The following SPECC1 variants were observed in gnomAD, a reference collection of about 807,000 sequenced individuals.
SPECC1 encodes sperm antigen with calponin homology and coiled-coil domains 1, also known as cytospin-B.
SPECC1 carries 62 observed loss-of-function variants against 104.1 expected under a neutral mutation model. That is an observed-to-expected ratio of 0.60 (90% CI 0.49 to 0.74). SPECC1 has a LOEUF of 0.74. Among genes scored for constraint, SPECC1 ranks in the 30% least tolerant of loss-of-function variants. The pLI is 0.00. For synonymous variants in SPECC1, 513 were observed against 501.6 expected, an observed-to-expected ratio of 1.02 and a Z score of -0.30; for missense variants, 1,306 against 1,310.5, an observed-to-expected ratio of 1.00 and a Z score of 0.05.
intron 4 of SPECC1, among the ~76,000 whole-genome samples, chr17:20,220,149 G>GGC (rs1229886840): frequency 1.3e-5 from 2 of 152,006 alleles, no homozygotes; most frequent in African/African-American, 4.8e-5. Flanking sequence ...GGATGGCTTT[G>GGC]GCTATTCTGG....
chr17:20,017,892 C>G (rs1442626686), intron 1 of SPECC1: 1 of 152,150 alleles, frequency 6.6e-6, no homozygotes, highest in African/African-American at 2.4e-5. Context: ...TCTGTTGATT[C>G]AGTGTCCCTG....
intron 3 of SPECC1, among the ~76,000 whole-genome samples, chr17:20,193,278 A>G (rs1275662594): frequency 2.0e-5 from 3 of 151,992 alleles, no homozygotes. Context: ...GGTCTTTATG[A>G]CCTGTATCTT....
intron 1 of SPECC1, among the ~76,000 whole-genome samples, chr17:20,018,418 T>C (rs1225849881): frequency 6.6e-6 from 1 of 152,218 alleles, no homozygotes; most frequent in Non-Finnish European, 1.5e-5. Context: ...GGGGACAGGG[T>C]CTTGCTCTGT....
intron 10 of SPECC1, among the ~76,000 whole-genome samples, chr17:20,256,120 A>G (rs920188951): frequency 6.7e-6 from 1 of 150,058 alleles, no homozygotes; most frequent in Non-Finnish European, 1.5e-5. Context: ...CTCGTAATCC[A>G]CCCACCTCGG....
intron 3 of SPECC1, among the ~76,000 whole-genome samples, chr17:20,126,074 C>T (rs534425524): frequency 2.3e-4 from 35 of 152,268 alleles, no homozygotes; most frequent in African/African-American, 5.5e-4. Context: ...TGCACCTCCC[C>T]GAAGAATACT....
At position 20,051,072 on chromosome 17, in the gene SPECC1, CTTTCTTTCTTTCTT is replaced by C. The variant is rs1567813251; in HGVS notation, c.-22+41650_-22+41663del. Among the ~76,000 whole-genome samples, 466 of 56,822 alleles carry C rather than the reference CTTTCTTTCTTTCTT, an allele frequency of 8.2e-3. 2 individuals carry two copies. Among genetic ancestry groups the C allele is most frequent in the African/African-American group, 0.024 (394 of 16,612 alleles). The allele number at this position is 56,822 out of a possible 152,430, so 37.3% of individuals were successfully genotyped here. A position where few individuals can be genotyped will look rare whatever the true frequency, so the allele number is the denominator to read the frequency against. The stretch of plus-strand genomic sequence containing the variant: ...GTTCTTTCTTTCTTTCTTTCTTTTT[CTTTCTTTCTTTCTT>C]TCTTTCTTTCTTTCTTTCTTTCTTT... On this transcript the variant is annotated intron_variant, in intron 1 of 14. Coordinates refer to ENST00000395527, the MANE Select transcript of SPECC1 (RefSeq NM_001243439.2).
chr17:20,116,094 A>T (rs2152530118), intron 3 of SPECC1, among the ~76,000 whole-genome samples: 1 of 152,030 alleles, frequency 6.6e-6, no homozygotes, highest in Admixed American at 6.6e-5. Flanking sequence ...TATTTTATTT[A>T]TTTATTTTTT....
intron 1 of SPECC1, among the ~76,000 whole-genome samples, chr17:20,031,284 G>A (rs1041933588): frequency 1.3e-5 from 2 of 151,996 alleles, no homozygotes; most frequent in Admixed American, 6.6e-5. Context: ...GTGAGCCACC[G>A]TGCCTGGCCT....
chr17:20,210,862 G>T (rs142718277), intron 4 of SPECC1, among the ~76,000 whole-genome samples: 18 of 152,204 alleles, frequency 1.2e-4, no homozygotes, highest in African/African-American at 4.3e-4. Flanking sequence ...GCCAGGCCTG[G>T]CCGGGCCAGT....
In SPECC1 at chr17:20,169,030, A is replaced by T. The variant is rs185946400; in HGVS notation, c.284-35303A>T. Among the ~76,000 whole-genome samples the T allele has an allele frequency of 3.3e-5, 5 of 152,064 alleles. No homozygotes were observed. The East Asian group carries it at 9.7e-4, about 29-fold the overall frequency. ...TGGGACTACAGGCATGCGCTACCAC[A>T]CCCAGCTAATTTTTGTATTTTTTGT... On this transcript the variant is annotated intron_variant, in intron 3 of 14. Coordinates refer to ENST00000395527, the MANE Select transcript of SPECC1 (RefSeq NM_001243439.2).
chr17:20,185,383 G>A (rs1230233604), intron 3 of SPECC1, among the ~76,000 whole-genome samples: 2 of 152,204 alleles, frequency 1.3e-5, no homozygotes, highest in South Asian at 2.1e-4. Flanking sequence ...GGGCACTTGT[G>A]CTTGGAGCCG....
rs115528122 is a variant in SPECC1, at chr17:20,120,882, T to C, written c.283+10320T>C. The stretch of plus-strand genomic sequence containing the variant: ...CAGGAGAAATCATGTAATCTTTTGG[T>C]CGTAATAATTATATTATTGTCTCAG... On this transcript the variant is annotated intron_variant, in intron 3 of 14. Transcript: ENST00000395527. 7.7e-3 allele frequency among the ~76,000 whole-genome samples: 1,168 copies of C among 152,254 alleles called. 16 individuals are homozygous for C. The highest frequency in any genetic ancestry group is 0.026 in the African/African-American group (1,069 of 41,530).
At chr17:20,229,603 G>A (rs1259707879) in intron 5 of SPECC1, among the ~76,000 whole-genome samples, 2 of 152,230 alleles carry the variant, frequency 1.3e-5, no homozygotes, top group Non-Finnish European at 2.9e-5. Flanking sequence ...GAGCCTGAAA[G>A]GCTGAGACTG....
At chr17:20,072,597 G>A (rs2046598417) in intron 1 of SPECC1, among the ~76,000 whole-genome samples, 1 of 152,138 alleles carries the variant, frequency 6.6e-6, no homozygotes, top group Admixed American at 6.5e-5. Flanking sequence ...TGCCAGGCCA[G>A]GCCGGCTCTG....
At chr17:20,105,605 C>A (rs1447911048) in intron 2 of SPECC1, among the ~76,000 whole-genome samples, 1 of 152,210 alleles carries the variant, frequency 6.6e-6, no homozygotes, top group African/African-American at 2.4e-5. Context: ...AGAGACCCCC[C>A]AGCCCTGAGC....
At chr17:20,146,678 G>A (rs547000630) in intron 3 of SPECC1, among the ~76,000 whole-genome samples, 29 of 152,150 alleles carry the variant, frequency 1.9e-4, no homozygotes, top group African/African-American at 5.1e-4. Flanking sequence ...AGGCTGAGGC[G>A]GGTGGAACAT....
chr17:20,165,204 C>T (rs2033543686), intron 3 of SPECC1, among the ~76,000 whole-genome samples: 2 of 140,000 alleles, frequency 1.4e-5, no homozygotes, highest in South Asian at 4.3e-4. Context: ...CTCCTACTAC[C>T]CCCGCCCTGA....
intron 1 of SPECC1, among the ~76,000 whole-genome samples, chr17:20,042,461 A>G (rs1453650183): frequency 6.6e-6 from 1 of 151,736 alleles, no homozygotes; most frequent in Admixed American, 6.6e-5. Context: ...GGGCCTCATC[A>G]CTCCTGGGTG....
rs2041377422 is a variant in SPECC1, at chr17:20,297,047, C to T, written c.3027C>T (p.Ile1009=). ...ALLHTYLPAH[I]PYQELNSQEK... Reference sequence around the variant, plus strand: ...TCCACACCTACCTGCCTGCCCACATCCCCTACCAGGAGCTGAATAGTCAGG... The same window carrying T: ...TCCACACCTACCTGCCTGCCCACATTCCCTACCAGGAGCTGAATAGTCAGG... Residue 1009 remains isoleucine, a synonymous_variant, in exon 13 of 15, where the codon ATC becomes ATT. Coordinates refer to ENST00000395527, the MANE Select transcript of SPECC1 (RefSeq NM_001243439.2). 1.2e-6 allele frequency: 2 copies of T among 1,614,168 alleles called. No individual in the cohort carries two copies. Among genetic ancestry groups the T allele is most frequent in the Non-Finnish European group, 1.7e-6 (2 of 1,180,016 alleles).
Sources: allele counts gnomAD v4.1 joint callset (sites outside exome capture counted in the v4.1 genomes callset), GRCh38; gene constraint gnomAD v4.1.1; transcripts MANE v1.5; gene names NCBI Gene and HGNC (gene_info 2026-07-23, HGNC 2026-07-21).